The following KRT19 variants were observed in gnomAD, a reference collection of about 807,000 sequenced individuals.
The protein encoded by KRT19 is keratin, type I cytoskeletal 19.
Under a neutral mutation model 34.6 loss-of-function variants are expected in KRT19, and 21 were observed. The ratio of observed to expected loss-of-function variants is 0.61; its 90% CI spans 0.43 to 0.87. KRT19 has a LOEUF of 0.87. KRT19 is among the 40% of genes least tolerant of loss of function. The pLI is 0.00. For missense variants in KRT19, 514 were observed against 545.7 expected (o/e 0.94, Z 0.58); for synonymous variants, 240 against 245.8 (o/e 0.98, Z 0.22).
chr17:41,525,219 G>A lies in KRT19; in HGVS notation c.475C>T (p.Arg159Cys), dbSNP rs745980820. 66 of 1,613,608 alleles carry A rather than the reference G, an allele frequency of 4.1e-5. No individual in the cohort carries two copies. Among genetic ancestry groups the A allele is most frequent in the South Asian group, 2.3e-4 (21 of 91,074 alleles). The change falls in exon 2 of 6, where the codon CGT becomes TGT. Residue 159 changes from arginine (R) to cysteine (C), a missense_variant. Physicochemically the swap from Arg to Cys is radical, Grantham distance 180. Coordinates refer to ENST00000361566, the MANE Select transcript of KRT19 (RefSeq NM_002276.5). Reference sequence around the variant, plus strand: ...GTTCGGAAGTCATCTGCAGCCAGACGGGCATTGTCGATCTGCAGGACAATC... The same window carrying A: ...GTTCGGAAGTCATCTGCAGCCAGACAGGCATTGTCGATCTGCAGGACAATC... The part of the protein sequence containing the change: ...SRIVLQIDNA[R>C]LAADDFRTKF...
At position 41,527,896 on chromosome 17, in the gene KRT19, T is replaced by C; in HGVS notation, c.352A>G (p.Lys118Glu). 1 of 1,613,564 alleles carries C rather than the reference T, an allele frequency of 6.2e-7. No homozygotes were observed. Among genetic ancestry groups the C allele is most frequent in the Non-Finnish European group, 8.5e-7 (1 of 1,179,836 alleles). The stretch of plus-strand genomic sequence containing the variant: ...TCGCGGGAGGGCCCAGGCCCCTGCT[T>C]CTGGTACCAGTCGCGGATCTTCACC... ...LEVKIRDWYQ[K>E]QGPGPSRDYS... Residue 118 changes from lysine to glutamate, a missense_variant, in exon 1 of 6, where the codon AAG (lysine) becomes GAG (glutamate). Transcript: ENST00000361566.
At chr17:41,524,678 G>A in intron 3 of KRT19, 138 bp from the exon 4 acceptor site, 1 of 1,226,718 alleles carries the variant, frequency 8.2e-7, no homozygotes, top group Non-Finnish European at 1.2e-6. Context: ...GGGACAGACT[G>A]GGTCATCACT....
Position 41,527,741 on chromosome 17 carries a change from C to T in KRT19, c.420+87G>A, listed in dbSNP as rs796247347. On this transcript the variant is annotated intron_variant, in intron 1 of 5. Coordinates refer to ENST00000361566, the MANE Select transcript of KRT19 (RefSeq NM_002276.5). The stretch of plus-strand genomic sequence containing the variant: ...CCACGTCCTAACGGGCTCCTGCCCG[C>T]CGCCCCGCCTGGAACCTCGCCCGGC... The T allele has an allele frequency of 2.6e-5, 37 of 1,433,368 alleles. No homozygotes were observed. The East Asian group carries it at 5.4e-4, about 21-fold the overall frequency. The allele number at this position is 1,433,368 out of a possible 1,614,324, so 88.8% of individuals were successfully genotyped here.
intron 5 of KRT19, 42 bp downstream of exon 5, chr17:41,524,101 G>A (rs746951704): frequency 1.2e-6 from 2 of 1,608,142 alleles, no homozygotes; most frequent in South Asian, 1.1e-5. Flanking sequence ...GGGTATAAGT[G>A]TGAATTGCAC....
chr17:41,527,860 A>G lies in KRT19; in HGVS notation c.388T>C (p.Tyr130His). Reference sequence around the variant, plus strand: ...CGCAGGTCCTGGATGGTCGTGTAGTAGTGGCTGTAGTCGCGGGAGGGCCCA... The same window carrying G: ...CGCAGGTCCTGGATGGTCGTGTAGTGGTGGCTGTAGTCGCGGGAGGGCCCA... ...GPGPSRDYSH[Y>H]YTTIQDLRDK... The change falls in exon 1 of 6, where the codon TAC (tyrosine) becomes CAC (histidine). Residue 130 changes from tyrosine to histidine, a missense_variant. By Grantham distance (83) the Tyr-to-His change is moderately conservative. Transcript: ENST00000361566. 6.2e-7 allele frequency: 1 copy of G among 1,611,766 alleles called. No individual in the cohort carries two copies. The highest frequency in any genetic ancestry group is 8.5e-7 in the Non-Finnish European group (1 of 1,178,760).
intron 1 of KRT19, among the ~76,000 whole-genome samples, chr17:41,526,591 A>G (rs1418773087): frequency 5.1e-4 from 1 of 1,948 alleles, no homozygotes; most frequent in South Asian, 0.011. Context: ...TTTTTTTTTG[A>G]GACGGACTCT....
At position 41,525,443 on chromosome 17, in the gene KRT19, C is replaced by CA. The variant is rs1483860625; in HGVS notation, c.421-171dup. 8 of 626,802 alleles carry CA rather than the reference C, an allele frequency of 1.3e-5. No homozygotes were observed. The Admixed American group carries it at 2.0e-4, about 15-fold the overall frequency. 38.8% of individuals were successfully genotyped at this position (626,802 alleles called of 1,614,324 possible). On this transcript the variant is annotated intron_variant, in intron 1 of 5. Transcript: ENST00000361566. ...CCCGCTCTCTGGGAGGCCTTGCAAA[C>CA]AGTCCATGCCCAGAAGCTGGGGCAG...
At chr17:41,527,791 G>A (rs1905919058) in intron 1 of KRT19, 37 bp downstream of exon 1, 1 of 1,521,358 alleles carries the variant, frequency 6.6e-7, no homozygotes, top group Non-Finnish European at 8.8e-7. Flanking sequence ...TTCCGCGGCA[G>A]GTGCACTGCA....
intron 1 of KRT19, among the ~76,000 whole-genome samples, chr17:41,527,142 A>G (rs1905892918): frequency 6.6e-6 from 1 of 152,196 alleles, no homozygotes; most frequent in Non-Finnish European, 1.5e-5. Flanking sequence ...GTTCCCCTGT[A>G]AGAGCGTGTG....
chr17:41,525,524 G>C (rs1252004212), intron 1 of KRT19: 1 of 521,590 alleles, frequency 1.9e-6, no homozygotes, highest in East Asian at 3.4e-5. Context: ...GGCAAGCCTG[G>C]GGAGGAAATC....
In KRT19 at chr17:41,523,617, T is replaced by A; in HGVS notation, c.*126A>T. 3.3e-6 allele frequency: 3 copies of A among 914,916 alleles called. No homozygotes were observed. Among genetic ancestry groups the A allele is most frequent in the South Asian group, 1.7e-5 (1 of 58,532 alleles). 56.7% of individuals were successfully genotyped at this position (914,916 alleles called of 1,614,324 possible). On this transcript the variant is annotated 3_prime_UTR_variant, in exon 6 of 6. Transcript: ENST00000361566. ...GAAATAATAAACCAAACGTCCTTCC[T>A]CCCTTGGACCATAAATTTTTATTGG... is the stretch of plus-strand genomic sequence containing the variant.
At position 41,523,699 on chromosome 17, in the gene KRT19, A is replaced by G. The variant is rs1359430700; in HGVS notation, c.*44T>C. 6.2e-7 allele frequency: 1 copy of G among 1,602,088 alleles called. No individual in the cohort carries two copies. The highest frequency in any genetic ancestry group is 1.1e-5 in the South Asian group (1 of 90,556). Reference sequence around the variant, plus strand: ...CCTTCCTTCCCATCCCTCTACCCAGAAGACACCCTCCAAAGGACAGCAGAA... The same window carrying G: ...CCTTCCTTCCCATCCCTCTACCCAGGAGACACCCTCCAAAGGACAGCAGAA... On this transcript the variant is annotated 3_prime_UTR_variant, in exon 6 of 6. Coordinates refer to ENST00000361566, the MANE Select transcript of KRT19 (RefSeq NM_002276.5).
In KRT19 at chr17:41,527,813, C is replaced by G. The variant is rs1253550067; in HGVS notation, c.420+15G>C. 1.3e-6 allele frequency: 2 copies of G among 1,557,230 alleles called. No individual in the cohort carries two copies. Among genetic ancestry groups the G allele is most frequent in the Admixed American group, 3.8e-5 (2 of 52,780 alleles). On this transcript the variant is annotated intron_variant, in intron 1 of 5. Coordinates refer to ENST00000361566, the MANE Select transcript of KRT19 (RefSeq NM_002276.5). ...GCAGGTGCACTGCACTTCCCGCGGCCGGGCCTCCGCCCACCTTGTCCCGCA... is the reference window on the plus strand; with the variant it reads ...GCAGGTGCACTGCACTTCCCGCGGCGGGGCCTCCGCCCACCTTGTCCCGCA...
chr17:41,523,901 G>C lies in KRT19; in HGVS notation c.1045C>G (p.Leu349Val). ...QALISGIEAQLGDVRADSERQ... is the reference protein window; with the variant it reads ...QALISGIEAQVGDVRADSERQ... Reference sequence around the variant, plus strand: ...TCACTATCAGCTCGCACATCGCCCAGCTGGGCTTCAATACCGCTGATCAGC... The same window carrying C: ...TCACTATCAGCTCGCACATCGCCCACCTGGGCTTCAATACCGCTGATCAGC... Residue 349 changes from leucine (L) to valine (V), a missense_variant, in exon 6 of 6, where the codon CTG (leucine) becomes GTG (valine). Physicochemically the swap from Leu to Val is conservative, Grantham distance 32. Transcript: ENST00000361566. The C allele has an allele frequency of 6.2e-7, 1 of 1,614,112 alleles. No homozygotes were observed. Among genetic ancestry groups the C allele is most frequent in the Non-Finnish European group, 8.5e-7 (1 of 1,180,038 alleles).
chr17:41,523,657 AGCCGG>A lies in KRT19; in HGVS notation c.*81_*85del. 2.2e-6 allele frequency: 3 copies of A among 1,372,728 alleles called. No homozygotes were observed. Among genetic ancestry groups the A allele is most frequent in the Non-Finnish European group, 3.0e-6 (3 of 990,402 alleles). 85.0% of individuals were successfully genotyped at this position (1,372,728 alleles called of 1,614,324 possible). A position where few individuals can be genotyped will look rare whatever the true frequency, so the allele number is the denominator to read the frequency against. ...ATTTTTATTGGCAGGTCAGGAGAAGAGCCGGGGGTAAGGGTCCCTTCCTTCCCATC... is the reference window on the plus strand; with the variant it reads ...ATTTTTATTGGCAGGTCAGGAGAAGAGGGTAAGGGTCCCTTCCTTCCCATC... On this transcript the variant is annotated 3_prime_UTR_variant, in exon 6 of 6. Coordinates refer to ENST00000361566, the MANE Select transcript of KRT19 (RefSeq NM_002276.5).
Position 41,528,045 on chromosome 17 carries a change from ACGCCGCCGTAGC to A in KRT19, c.191_202del (p.Gly64_Gly67del). The A allele has an allele frequency of 6.2e-7, 1 of 1,610,602 alleles. No individual in the cohort carries two copies. ...CAGCAGCCCGTCGGACGCGGTCAGG[ACGCCGCCGTAGC>A]CGCCGCCGTAGGCCCCCGAGGAGGA... is the stretch of plus-strand genomic sequence containing the variant. On this transcript the variant is annotated inframe_deletion, in exon 1 of 6. Transcript: ENST00000361566.
rs1567723433 is a variant in KRT19 at position 41,528,291 on chromosome 17, G to A, written c.-44C>T. The A allele has an allele frequency of 6.7e-7, 1 of 1,485,922 alleles. No individual in the cohort carries two copies. Among genetic ancestry groups the A allele is most frequent in the Non-Finnish European group, 8.9e-7 (1 of 1,128,348 alleles). 92.0% of individuals were successfully genotyped at this position (1,485,922 alleles called of 1,614,324 possible). ...CGGAGCAACCCTGGTCTCAGAAGCTGCGATTCGCGGGAGGAGCGGCGAGGC... is the reference window on the plus strand; with the variant it reads ...CGGAGCAACCCTGGTCTCAGAAGCTACGATTCGCGGGAGGAGCGGCGAGGC... On this transcript the variant is annotated 5_prime_UTR_variant, in exon 1 of 6. Coordinates refer to ENST00000361566, the MANE Select transcript of KRT19 (RefSeq NM_002276.5).
intron 2 of KRT19, 87 bp from the exon 3 acceptor site, chr17:41,525,086 G>C: frequency 6.3e-7 from 1 of 1,581,260 alleles, no homozygotes; most frequent in Non-Finnish European, 8.7e-7. Context: ...GGAGTCCATA[G>C]GGGGGTTAGC....
rs1210465320 is a variant in KRT19 at position 41,528,073 on chromosome 17, C to G, written c.175G>C (p.Gly59Arg). The G allele has an allele frequency of 5.6e-6, 9 of 1,610,122 alleles. No homozygotes were observed. The highest frequency in any genetic ancestry group is 6.8e-6 in the Non-Finnish European group (8 of 1,178,088). The change falls in exon 1 of 6, where the codon GGG becomes CGG. Residue 59 changes from glycine (G) to arginine (R), a missense_variant. Physicochemically the swap from Gly to Arg is moderately radical, Grantham distance 125. Transcript: ENST00000361566. The part of the protein sequence containing the change: ...SARFVSSSSS[G>R]AYGGGYGGVL... Reference sequence around the variant, plus strand: ...CCGCCGTAGCCGCCGCCGTAGGCCCCCGAGGAGGACGAGGACACAAAGCGG... The same window carrying G: ...CCGCCGTAGCCGCCGCCGTAGGCCCGCGAGGAGGACGAGGACACAAAGCGG...
Sources: gnomAD v4.1 joint callset for allele counts (sites outside exome capture counted in the v4.1 genomes callset) on GRCh38, gnomAD v4.1.1 for gene constraint, MANE v1.5 for transcripts, NCBI Gene and HGNC (gene_info 2026-07-23, HGNC 2026-07-21) for gene names.